The following CHERP variants were observed in gnomAD, a reference collection of about 807,000 sequenced individuals.
CHERP encodes ERPROT 213-21.
Under a neutral mutation model 113.8 loss-of-function variants are expected in CHERP, and 8 were observed. The ratio of observed to expected loss-of-function variants is 0.07; its 90% CI spans 0.04 to 0.13. The LOEUF is 0.13. Ranked by LOEUF, CHERP falls within the 10% of genes least tolerant of loss-of-function variation. CHERP has a pLI of 1.00. For missense variants in CHERP, 884 were observed against 1,298.2 expected (o/e 0.68, Z 4.90); for synonymous variants, 559 against 524.5 (o/e 1.07, Z -0.90).
Position 16,519,040 on chromosome 19 carries a change from C to A in CHERP, c.*119G>T. On this transcript the variant is annotated 3_prime_UTR_variant, in exon 17 of 17. Transcript: ENST00000546361. This position sits in a 1 kb window ranked among gnomAD's most constrained non-coding sequence, Gnocchi z 6.0. ...TGGTCTTCCTTCTCTTCCTGTGGCT[C>A]TCCACAAGTGGAGACGGTGTAAGAA... 1.1e-6 allele frequency: 1 copy of A among 938,880 alleles called. No homozygotes were observed. Among genetic ancestry groups the A allele is most frequent in the South Asian group, 1.6e-5 (1 of 61,764 alleles). 58.2% of individuals were successfully genotyped at this position (938,880 alleles called of 1,614,324 possible).
intron 8 of CHERP, among the ~76,000 whole-genome samples, chr19:16,528,838 A>G (rs1473174041): frequency 6.6e-6 from 1 of 152,198 alleles, no homozygotes; most frequent in East Asian, 1.9e-4. Flanking sequence ...CTGTAGTCCT[A>G]GCTACTCAGG....
At position 16,520,871 on chromosome 19, in the gene CHERP, G is replaced by A; in HGVS notation, c.2156C>T (p.Ala719Val). Reference protein sequence around the residue: ...EQNGLYEFFRAKMRARRRKGQ... With the variant: ...EQNGLYEFFRVKMRARRRKGQ... ...TTTCCTCCGCCGGGCCCGCATTTTTGCTCGGAAGAACTCATAGAGGCCGTT... is the reference window on the plus strand; with the variant it reads ...TTTCCTCCGCCGGGCCCGCATTTTTACTCGGAAGAACTCATAGAGGCCGTT... The change falls in exon 13 of 17, where the codon GCA (alanine) becomes GTA (valine). Residue 719 changes from alanine (A) to valine (V), a missense_variant. By Grantham distance (64) the Ala-to-Val change is moderately conservative. This residue lies in a region of CHERP where 159 missense variants were observed against 185.8 expected (regional missense o/e 0.86). Transcript: ENST00000546361. The surrounding 1 kb of genome is among the most constrained non-coding windows in gnomAD (Gnocchi z 4.0). 6.2e-7 allele frequency: 1 copy of A among 1,613,854 alleles called. No homozygotes were observed. The highest frequency in any genetic ancestry group is 8.5e-7 in the Non-Finnish European group (1 of 1,180,034).
chr19:16,518,921 G>A lies in CHERP; in HGVS notation c.*238C>T, dbSNP rs1370341009. ...TTCGCTATAAAGGAAAACGAGCCTG[G>A]GGCCCTGGTGGCTGCAGCGCCTCCT... On this transcript the variant is annotated 3_prime_UTR_variant, in exon 17 of 17. Coordinates refer to ENST00000546361, the MANE Select transcript of CHERP (RefSeq NM_006387.6). 2 of 557,396 alleles carry A rather than the reference G, an allele frequency of 3.6e-6. No individual in the cohort carries two copies. Among genetic ancestry groups the A allele is most frequent in the South Asian group, 2.4e-5 (1 of 42,332 alleles). The allele number at this position is 557,396 out of a possible 1,614,324, so 34.5% of individuals were successfully genotyped here. A position where few individuals can be genotyped will look rare whatever the true frequency, so the allele number is the denominator to read the frequency against.
chr19:16,532,452 G>A lies in CHERP; in HGVS notation c.674+146C>T. ...AGACAGAAGCCTGGTGGCTCACAGA[G>A]ACCCCCCACCCGGGGTCCCCGGACA... On this transcript the variant is annotated intron_variant, in intron 5 of 16. Coordinates refer to ENST00000546361, the MANE Select transcript of CHERP (RefSeq NM_006387.6). This position sits in a 1 kb window ranked among gnomAD's most constrained non-coding sequence, Gnocchi z 4.4. 1.0e-6 allele frequency: 1 copy of A among 975,480 alleles called. No homozygotes were observed. 60.4% of individuals were successfully genotyped at this position (975,480 alleles called of 1,614,324 possible).
At chr19:16,538,310 C>G (rs1001913048) in intron 2 of CHERP, among the ~76,000 whole-genome samples, 1 of 152,200 alleles carries the variant, frequency 6.6e-6, no homozygotes, top group African/African-American at 2.4e-5. Context: ...TTCCTCTGCC[C>G]GGAACACTTT....
Position 16,529,878 on chromosome 19 carries a change from G to A in CHERP, c.899C>T (p.Ser300Phe), listed in dbSNP as rs772847505. ...QYQATLINEY[S>F]SVVQPVQLAF... ...CAGCTGCACCGGCTGGACCACTGAGGAGTACTCGTTGATGAGGGTGGCCTG... is the reference window on the plus strand; with the variant it reads ...CAGCTGCACCGGCTGGACCACTGAGAAGTACTCGTTGATGAGGGTGGCCTG... Residue 300 changes from serine (S) to phenylalanine (F), a missense_variant, in exon 8 of 17, where the codon TCC becomes TTC. Ser to Phe is a radical substitution (Grantham distance 155). Coordinates refer to ENST00000546361, the MANE Select transcript of CHERP (RefSeq NM_006387.6). 1.2e-6 allele frequency: 2 copies of A among 1,613,652 alleles called. No individual in the cohort carries two copies. The highest frequency in any genetic ancestry group is 8.5e-7 in the Non-Finnish European group (1 of 1,179,932).
intron 3 of CHERP, among the ~76,000 whole-genome samples, chr19:16,533,447 C>T (rs1043615303): frequency 3.3e-5 from 5 of 152,208 alleles, no homozygotes; most frequent in African/African-American, 1.2e-4. Flanking sequence ...AACAAACAAC[C>T]TCTGCAAACC....
chr19:16,534,984 G>A (rs953722314), intron 3 of CHERP, among the ~76,000 whole-genome samples: 1 of 152,100 alleles, frequency 6.6e-6, no homozygotes, highest in Non-Finnish European at 1.5e-5. Flanking sequence ...GCTGAGGCAG[G>A]AGAATCGTTT....
chr19:16,542,161 A>T (rs781474969), intron 1 of CHERP, 118 bp from the exon 2 acceptor site: 6 of 1,250,478 alleles, frequency 4.8e-6, no homozygotes, highest in Non-Finnish European at 6.5e-6. Flanking sequence ...GGCCCCGAAG[A>T]GGCCGCCCTT....
intron 11 of CHERP, 122 bp downstream of exon 11, chr19:16,522,930 G>T: frequency 8.6e-7 from 1 of 1,167,232 alleles, no homozygotes. Context: ...AGGGTCCCTA[G>T]GGAGTGGGAG....
rs2085716997 is a variant in CHERP, at chr19:16,532,967, G to A, written c.522+44C>T. 3.2e-6 allele frequency: 5 copies of A among 1,554,682 alleles called. No homozygotes were observed. The highest frequency in any genetic ancestry group is 1.9e-5 in the Admixed American group (1 of 51,350). On this transcript the variant is annotated intron_variant, in intron 4 of 16. Transcript: ENST00000546361. The surrounding 1 kb of genome is among the most constrained non-coding windows in gnomAD (Gnocchi z 4.4). ...GCTACGACAGGCCCTGCCTCAGGGA[G>A]GGACCAAGGGAAAGCTGGGCTCTGG...
In CHERP at chr19:16,535,393, C is replaced by CA; in HGVS notation, c.384+58dup. 1.9e-6 allele frequency: 3 copies of CA among 1,554,380 alleles called. No homozygotes were observed. The highest frequency in any genetic ancestry group is 2.6e-6 in the Non-Finnish European group (3 of 1,147,882). On this transcript the variant is annotated intron_variant, in intron 3 of 16. Transcript: ENST00000546361. This position sits in a 1 kb window ranked among gnomAD's most constrained non-coding sequence, Gnocchi z 4.3. ...TGTTATTCATTCTGATGAGCAGACG[C>CA]AAAAACAGAGGCACAGGGGAGCTGC...
In CHERP at chr19:16,523,185, G is replaced by A. The variant is rs371448176; in HGVS notation, c.1847C>T (p.Pro616Leu). 1.5e-5 allele frequency: 23 copies of A among 1,575,646 alleles called. No homozygotes were observed. Among genetic ancestry groups the A allele is most frequent in the South Asian group, 1.1e-4 (10 of 87,642 alleles). The change falls in exon 11 of 17, where the codon CCC (proline) becomes CTC (leucine). Residue 616 changes from proline to leucine, a missense_variant. Transcript: ENST00000546361. This position sits in a 1 kb window ranked among gnomAD's most constrained non-coding sequence, Gnocchi z 4.0. ...GPQHPDFGPPPHGFNGQPPHM... is the reference protein window; with the variant it reads ...GPQHPDFGPPLHGFNGQPPHM... ...TGGGGGCTGCCCGTTGAAGCCATGG[G>A]GGGGAGGGCCGAAGTCAGGGTGCTG...
chr19:16,536,873 G>A (rs1164724356), intron 2 of CHERP, among the ~76,000 whole-genome samples: 2 of 152,122 alleles, frequency 1.3e-5, no homozygotes, highest in African/African-American at 4.8e-5. Flanking sequence ...TTAGTCGGGC[G>A]TGGTGGCGGG....
At position 16,530,175 on chromosome 19, in the gene CHERP, G is replaced by A. The variant is rs1001073342; in HGVS notation, c.877-275C>T. Among the ~76,000 whole-genome samples the A allele has an allele frequency of 6.6e-6, 1 of 152,232 alleles. No homozygotes were observed. Among genetic ancestry groups the A allele is most frequent in the Non-Finnish European group, 1.5e-5 (1 of 68,054 alleles). On this transcript the variant is annotated intron_variant, in intron 7 of 16. Coordinates refer to ENST00000546361, the MANE Select transcript of CHERP (RefSeq NM_006387.6). The surrounding 1 kb of genome is among the most constrained non-coding windows in gnomAD (Gnocchi z 4.1). ...GCCGTGTCCTGGCCGCTTCGTGGCT[G>A]CTCAGCGAACACTGCCCACCAACAT...
rs1427096391 is a variant in CHERP at position 16,519,734 on chromosome 19, ATTC to A, written c.2463-22_2463-20del. ...AGAGGAACTAAAATCGAGACAGGTT[ATTC>A]TTTTTAAGAAGTAACTGAGACATTT... is the stretch of plus-strand genomic sequence containing the variant. On this transcript the variant is annotated intron_variant, in intron 15 of 16. Transcript: ENST00000546361. This position sits in a 1 kb window ranked among gnomAD's most constrained non-coding sequence, Gnocchi z 6.0. The A allele has an allele frequency of 6.3e-7, 1 of 1,594,066 alleles. No homozygotes were observed. Among genetic ancestry groups the A allele is most frequent in the Admixed American group, 1.7e-5 (1 of 59,968 alleles).
In CHERP at chr19:16,520,016, G is replaced by A. The variant is rs977804122; in HGVS notation, c.2462+133C>T. On this transcript the variant is annotated intron_variant, in intron 15 of 16. Transcript: ENST00000546361. The surrounding 1 kb of genome is among the most constrained non-coding windows in gnomAD (Gnocchi z 4.0). ...AAGTGGCTACTGTGGTGAAGGGTGAGGGGTGCCACTGTCCCCGGGCTAATG... is the reference window on the plus strand; with the variant it reads ...AAGTGGCTACTGTGGTGAAGGGTGAAGGGTGCCACTGTCCCCGGGCTAATG... The A allele has an allele frequency of 1.4e-4, 135 of 937,142 alleles. No individual in the cohort carries two copies. In the East Asian group the frequency reaches 1.4e-3, roughly 10 times the overall value. The allele number at this position is 937,142 out of a possible 1,614,324, so 58.1% of individuals were successfully genotyped here. A position where few individuals can be genotyped will look rare whatever the true frequency, so the allele number is the denominator to read the frequency against.
chr19:16,535,746 C>A lies in CHERP; in HGVS notation c.200-110G>T. 9.5e-7 allele frequency: 1 copy of A among 1,053,578 alleles called. No homozygotes were observed. The highest frequency in any genetic ancestry group is 1.3e-6 in the Non-Finnish European group (1 of 752,216). The allele number at this position is 1,053,578 out of a possible 1,614,324, so 65.3% of individuals were successfully genotyped here. Reference sequence around the variant, plus strand: ...CTCCCCCTCCCCAGGGACTCACCATCCACGAGGGCCTGTTCATAGCCTCAT... The same window carrying A: ...CTCCCCCTCCCCAGGGACTCACCATACACGAGGGCCTGTTCATAGCCTCAT... On this transcript the variant is annotated intron_variant, in intron 2 of 16. Transcript: ENST00000546361. The surrounding 1 kb of genome is among the most constrained non-coding windows in gnomAD (Gnocchi z 4.3).
intron 3 of CHERP, among the ~76,000 whole-genome samples, chr19:16,533,882 G>A (rs773653426): frequency 2.0e-5 from 3 of 152,158 alleles, no homozygotes; most frequent in African/African-American, 7.2e-5. Context: ...ATGGCCTCTA[G>A]TGAAGCAAGA....
Sources: gnomAD v4.1 joint callset for allele counts (sites outside exome capture counted in the v4.1 genomes callset) on GRCh38, gnomAD v4.1.1 for gene constraint, gnomAD v4.1.1 regional missense constraint, Gnocchi (gnomAD v3.1) non-coding constraint, MANE v1.5 for transcripts, NCBI Gene and HGNC (gene_info 2026-07-23, HGNC 2026-07-21) for gene names.